The following DCC variants were observed in gnomAD, a reference collection of about 807,000 sequenced individuals.
DCC encodes netrin receptor DCC.
Under a neutral mutation model 172.5 loss-of-function variants are expected in DCC, and 58 were observed. The observed-to-expected ratio is 0.34, with a 90% CI of 0.27 to 0.42. The LOEUF (loss-of-function observed/expected upper bound fraction) is 0.42, where lower values mean the gene tolerates loss of function less well. DCC is among the 10% of genes least tolerant of loss of function. DCC has a pLI of 1.00. For synonymous variants in DCC, 709 were observed against 644.5 expected, an observed-to-expected ratio of 1.10 and a Z score of -1.52; for missense variants, 1,740 against 1,791.0, an observed-to-expected ratio of 0.97 and a Z score of 0.51.
chr18:53,398,243 T>C (rs1260447715), intron 18 of DCC, among the ~76,000 whole-genome samples: 3 of 152,144 alleles, frequency 2.0e-5, no homozygotes, highest in Non-Finnish European at 4.4e-5. Context: ...GTAAGTTGAA[T>C]TTATCTTTCC....
intron 7 of DCC, among the ~76,000 whole-genome samples, chr18:53,104,415 C>T (rs970043441): frequency 1.1e-4 from 16 of 151,968 alleles, no homozygotes; most frequent in African/African-American, 3.6e-4. Flanking sequence ...CCTGCACAAG[C>T]TCTCTCTCTT....
intron 2 of DCC, among the ~76,000 whole-genome samples, chr18:52,870,155 G>T (rs2039296583): frequency 6.6e-6 from 1 of 152,216 alleles, no homozygotes; most frequent in African/African-American, 2.4e-5. Context: ...TGCACGAGCT[G>T]CGGCCCAGAT....
intron 15 of DCC, among the ~76,000 whole-genome samples, chr18:53,373,649 G>A (rs1043759618): frequency 6.6e-6 from 1 of 151,970 alleles, no homozygotes; most frequent in Admixed American, 6.6e-5. Context: ...TTAACTTAAT[G>A]TCCCTTTTTG....
intron 2 of DCC, among the ~76,000 whole-genome samples, chr18:52,789,853 A>T (rs536891501): frequency 1.3e-5 from 2 of 152,278 alleles, no homozygotes; most frequent in East Asian, 3.9e-4. Flanking sequence ...CAAAGATAAT[A>T]GCCCCTTCTG....
At chr18:52,834,269 C>A (rs990675892) in intron 2 of DCC, among the ~76,000 whole-genome samples, 2 of 152,200 alleles carry the variant, frequency 1.3e-5, no homozygotes, top group African/African-American at 4.8e-5. Flanking sequence ...AAGTCCAATT[C>A]ATCTCATATC....
intron 5 of DCC, among the ~76,000 whole-genome samples, chr18:52,953,023 A>AAAAAAAAAAAAAAAAC (rs1410549172): frequency 5.4e-5 from 8 of 149,152 alleles, no homozygotes; most frequent in Admixed American, 3.5e-4. Flanking sequence ...AAAAAAAAAA[A>AAAAAAAAAAAAAAAAC]AAAAACTCAT....
At chr18:52,754,184 A>G (rs2037041303) in intron 2 of DCC, 1 of 152,184 alleles carries the variant, frequency 6.6e-6, no homozygotes, top group African/African-American at 2.4e-5. Context: ...GCACTCTCCT[A>G]GTGAGGGTCT....
intron 1 of DCC, among the ~76,000 whole-genome samples, chr18:52,670,660 CGA>C (rs2035535563): frequency 6.6e-6 from 1 of 151,782 alleles, no homozygotes; most frequent in Non-Finnish European, 1.5e-5. Flanking sequence ...GCCAACATGG[CGA>C]AACCCCATCT....
intron 1 of DCC, among the ~76,000 whole-genome samples, chr18:52,344,014 C>G (rs953467570): frequency 6.6e-6 from 1 of 152,212 alleles, no homozygotes; most frequent in Non-Finnish European, 1.5e-5. Context: ...TGGGAAACGG[C>G]CACCACATGT....
intron 1 of DCC, among the ~76,000 whole-genome samples, chr18:52,542,101 A>G (rs895591944): frequency 6.7e-6 from 1 of 150,172 alleles, no homozygotes; most frequent in African/African-American, 2.4e-5. Context: ...AAATAAATCT[A>G]TACTAGGACC....
Position 53,208,754 on chromosome 18 carries a change from G to A in DCC, c.1861+937G>A, listed in dbSNP as rs111923203. ...CTTTTCTTTTCCTTTTTTGGAAACG[G>A]AGTCTCGCTCTGTCACCCAGGTTGG... On this transcript the variant is annotated intron_variant, in intron 11 of 28. Transcript: ENST00000442544. Among the ~76,000 whole-genome samples, 266 of 152,106 alleles carry A rather than the reference G, an allele frequency of 1.7e-3. 2 individuals are homozygous for A. In the South Asian group the frequency reaches 0.019, roughly 11 times the overall value.
At chr18:52,641,683 A>G (rs1003925534) in intron 1 of DCC, among the ~76,000 whole-genome samples, 1 of 152,086 alleles carries the variant, frequency 6.6e-6, no homozygotes, top group Non-Finnish European at 1.5e-5. Flanking sequence ...TTATTCCTGC[A>G]AGAATGGCCA....
intron 1 of DCC, among the ~76,000 whole-genome samples, chr18:52,425,010 G>A (rs1177435743): frequency 2.0e-5 from 3 of 151,712 alleles, no homozygotes. Context: ...GTCAAATCAG[G>A]GCTTTAGGGT....
At chr18:53,262,742 G>A (rs2056621263) in intron 12 of DCC, among the ~76,000 whole-genome samples, 1 of 152,186 alleles carries the variant, frequency 6.6e-6, no homozygotes, top group African/African-American at 2.4e-5. Context: ...TTTGAAGGAA[G>A]ATTAAGGAAT....
intron 2 of DCC, among the ~76,000 whole-genome samples, chr18:52,866,944 C>A (rs2145372522): frequency 6.6e-6 from 1 of 152,268 alleles, no homozygotes; most frequent in Middle Eastern, 3.4e-3. Context: ...GAGAAGGCAT[C>A]CTTGTCTTGT....
At chr18:52,786,433 A>C (rs1167533093) in intron 2 of DCC, among the ~76,000 whole-genome samples, 1 of 152,024 alleles carries the variant, frequency 6.6e-6, no homozygotes, top group Non-Finnish European at 1.5e-5. Context: ...TTGGAGCATA[A>C]CTTTTATCTC....
At chr18:52,775,923 C>T (rs781567776) in intron 2 of DCC, among the ~76,000 whole-genome samples, 1 of 152,226 alleles carries the variant, frequency 6.6e-6, no homozygotes, top group Non-Finnish European at 1.5e-5. Context: ...CACTTCCCTG[C>T]CCCCTTCATT....
intron 23 of DCC, among the ~76,000 whole-genome samples, chr18:53,456,954 C>A (rs921814887): frequency 6.6e-6 from 1 of 152,000 alleles, no homozygotes; most frequent in African/African-American, 2.4e-5. Context: ...GTTGGAGGGA[C>A]AAAAGAAGGA....
chr18:53,065,335 A>G (rs917243498), intron 6 of DCC, among the ~76,000 whole-genome samples: 3 of 152,206 alleles, frequency 2.0e-5, no homozygotes. Context: ...CTGAATTAGT[A>G]TAATTAAATG....
Sources: allele counts gnomAD v4.1 joint callset (sites outside exome capture counted in the v4.1 genomes callset), GRCh38; gene constraint gnomAD v4.1.1; transcripts MANE v1.5; gene names NCBI Gene and HGNC (gene_info 2026-07-23, HGNC 2026-07-21).